Variants in SYT6 observed in about 807,000 individuals in gnomAD.
SYT6 encodes synaptotagmin-6.
SYT6 carries 24 observed loss-of-function variants against 38.4 expected under a neutral mutation model. That is an observed-to-expected ratio of 0.62 (90% CI 0.45 to 0.88). SYT6 has a LOEUF of 0.88. Ranked by LOEUF, SYT6 falls within the 40% of genes least tolerant of loss-of-function variation. The pLI is 0.00. For missense variants in SYT6, 611 were observed against 621.0 expected, an observed-to-expected ratio of 0.98 and a Z score of 0.17; for synonymous variants, 265 against 241.9, an observed-to-expected ratio of 1.10 and a Z score of -0.89.
At chr1:114,118,763 C>A (rs984166684) in intron 3 of SYT6, among the ~76,000 whole-genome samples, 1 of 152,208 alleles carries the variant, frequency 6.6e-6, no homozygotes, top group Non-Finnish European at 1.5e-5. Flanking sequence ...CTCCCCCACC[C>A]CCATCTGCCT....
intron 1 of SYT6, chr1:114,152,911 G>T (rs1014422344): frequency 6.6e-6 from 1 of 152,358 alleles, no homozygotes; most frequent in African/African-American, 2.4e-5. Context: ...GTCGCGCACC[G>T]GCCCCGAGTC....
At chr1:114,104,960 C>G (rs1224491271) in intron 3 of SYT6, among the ~76,000 whole-genome samples, 1 of 152,080 alleles carries the variant, frequency 6.6e-6, no homozygotes, top group African/African-American at 2.4e-5. Flanking sequence ...TAGCACCCAA[C>G]AGTTAGCTTT....
chr1:114,100,235 AG>A (rs1377878130), intron 4 of SYT6, among the ~76,000 whole-genome samples: 8 of 152,152 alleles, frequency 5.3e-5, no homozygotes, highest in African/African-American at 1.7e-4. Flanking sequence ...AAGAAATGGG[AG>A]GGCGGCTCAC....
intron 2 of SYT6, among the ~76,000 whole-genome samples, chr1:114,138,728 C>A (rs1678663616): frequency 6.6e-6 from 1 of 152,250 alleles, no homozygotes; most frequent in African/African-American, 2.4e-5. Flanking sequence ...TGTGTTAGCT[C>A]TCCTTATCAA....
chr1:114,134,873 G>A (rs1678384233), intron 3 of SYT6, among the ~76,000 whole-genome samples: 1 of 152,186 alleles, frequency 6.6e-6, no homozygotes, highest in Non-Finnish European at 1.5e-5. Flanking sequence ...ATTCATATAT[G>A]CTTAGTGCTC....
intron 4 of SYT6, 25 bp from the exon 5 acceptor site, chr1:114,099,290 G>A (rs747232873): frequency 6.3e-7 from 1 of 1,598,822 alleles, no homozygotes. Flanking sequence ...ACAGAGAAAA[G>A]GGAATGGAGT....
At chr1:114,123,218 C>T (rs952599108) in intron 3 of SYT6, among the ~76,000 whole-genome samples, 4 of 152,186 alleles carry the variant, frequency 2.6e-5, no homozygotes, top group Admixed American at 6.5e-5. Context: ...AGTCACAAAG[C>T]TAGCCCTGTC....
rs74484259 is a variant in SYT6 at position 114,146,430 on chromosome 1, C to A, written c.164-6467G>T. ...CCACTCTGGGCTTGCTGGGGCCAAC[C>A]CACTGGGACATGTCCCCTAGGAAAT... On this transcript the variant is annotated intron_variant, in intron 1 of 7. Transcript: ENST00000610222. Among the ~76,000 whole-genome samples the A allele has an allele frequency of 4.7e-3, 720 of 152,292 alleles. 3 individuals carry two copies. The highest frequency in any genetic ancestry group is 0.017 in the African/African-American group (690 of 41,554).
rs1402862366 is a variant in SYT6 at position 114,089,494 on chromosome 1, A to T, written c.*2640T>A. The T allele has an allele frequency of 6.6e-6, 1 of 152,376 alleles. No individual in the cohort carries two copies. The highest frequency in any genetic ancestry group is 2.4e-5 in the African/African-American group (1 of 41,400). 9.4% of individuals were successfully genotyped at this position (152,376 alleles called of 1,614,324 possible). On this transcript the variant is annotated 3_prime_UTR_variant, in exon 8 of 8. Coordinates refer to ENST00000610222, the MANE Select transcript of SYT6 (RefSeq NM_001253772.2). Reference sequence around the variant, plus strand: ...GAGAAGGGAACTTTTCATGTTTTTTAAAAAAACCTATGTGCAAATGGCCCT... The same window carrying T: ...GAGAAGGGAACTTTTCATGTTTTTTTAAAAAACCTATGTGCAAATGGCCCT...
chr1:114,128,122 T>A (rs1243908995), intron 3 of SYT6, among the ~76,000 whole-genome samples: 1 of 152,198 alleles, frequency 6.6e-6, no homozygotes, highest in Non-Finnish European at 1.5e-5. Context: ...GGGAGCAGTC[T>A]TCATGGGTTT....
At chr1:114,149,223 G>GTGTGTGTGTGTGTGTGTGTGTGCGCA (rs531593752) in intron 1 of SYT6, among the ~76,000 whole-genome samples, 3 of 133,264 alleles carry the variant, frequency 2.3e-5, no homozygotes, top group South Asian at 4.6e-4. Flanking sequence ...GAGATTGTGT[G>GTGTGTGTGTGTGTGTGTGTGTGCGCA]TGTGTGTGTG....
chr1:114,151,400 T>G (rs924021154), intron 1 of SYT6, among the ~76,000 whole-genome samples: 8 of 152,140 alleles, frequency 5.3e-5, no homozygotes, highest in Non-Finnish European at 1.2e-4. Flanking sequence ...GTAATTCATC[T>G]GGGCCTGCCG....
rs2101627024 is a variant in SYT6, at chr1:114,099,201, T to C, written c.1257A>G (p.Ile419Met). Residue 419 changes from isoleucine to methionine, a missense_variant, in exon 5 of 8, where the codon ATA (isoleucine) becomes ATG (methionine). Coordinates refer to ENST00000610222, the MANE Select transcript of SYT6 (RefSeq NM_001253772.2). ...GRRLKKKKTT[I>M]KKNTLNPVYN... ...AGACAGGATTGAGAGTGTTTTTCTT[T>C]ATGGTTGTTTTCTTCTTCTTCAGCC... The C allele has an allele frequency of 6.2e-7, 1 of 1,614,132 alleles. No individual in the cohort carries two copies. The highest frequency in any genetic ancestry group is 2.2e-5 in the East Asian group (1 of 44,884).
At chr1:114,151,971 T>C (rs1679458849) in intron 1 of SYT6, among the ~76,000 whole-genome samples, 1 of 152,116 alleles carries the variant, frequency 6.6e-6, no homozygotes, top group South Asian at 2.1e-4. Context: ...GATCAAACCA[T>C]TGACTAAACA....
At chr1:114,131,384 A>G (rs745335476) in intron 3 of SYT6, among the ~76,000 whole-genome samples, 1 of 152,208 alleles carries the variant, frequency 6.6e-6, no homozygotes, top group Non-Finnish European at 1.5e-5. Flanking sequence ...CTTCACTGTC[A>G]TCAACATAGC....
At chr1:114,128,440 A>G (rs940809129) in intron 3 of SYT6, among the ~76,000 whole-genome samples, 1 of 152,164 alleles carries the variant, frequency 6.6e-6, no homozygotes, top group African/African-American at 2.4e-5. Flanking sequence ...GCTATGGCCC[A>G]TATATGGAAC....
At chr1:114,138,162 C>A in intron 2 of SYT6, 109 bp from the exon 3 acceptor site, 1 of 1,098,834 alleles carries the variant, frequency 9.1e-7, no homozygotes, top group Non-Finnish European at 1.3e-6. Context: ...CCTTGTTGAG[C>A]CCCCTTTTCC....
chr1:114,138,196 G>T, intron 2 of SYT6, 143 bp from the exon 3 acceptor site: 1 of 765,062 alleles, frequency 1.3e-6, no homozygotes. Flanking sequence ...CCCCACTTTT[G>T]CTCTGCATAC....
chr1:114,137,407 G>T, intron 3 of SYT6, 88 bp downstream of exon 3: 1 of 1,457,952 alleles, frequency 6.9e-7, no homozygotes, highest in Non-Finnish European at 9.3e-7. Context: ...AGGCCCATTT[G>T]TCTCTAGGAA....
Sources: allele counts gnomAD v4.1 joint callset (sites outside exome capture counted in the v4.1 genomes callset), GRCh38; gene constraint gnomAD v4.1.1; transcripts MANE v1.5; gene names NCBI Gene and HGNC (gene_info 2026-07-23, HGNC 2026-07-21).